LRIG1: variants seen among roughly 807,000 people sequenced by gnomAD.
LRIG1 encodes leucine rich repeats and immunoglobulin like domains 1.
A neutral mutation model predicts 99.2 loss-of-function variants in LRIG1; 48 were observed. The ratio of observed to expected loss-of-function variants is 0.48; its 90% confidence interval spans 0.38 to 0.62. LRIG1 has a LOEUF of 0.62. Ranked by LOEUF, LRIG1 falls within the 20% of genes least tolerant of loss-of-function variation. LRIG1 has a pLI of 0.00. For synonymous variants in LRIG1, 772 were observed against 596.1 expected (o/e 1.29, Z -4.30); for missense variants, 1,646 against 1,434.4 (o/e 1.15, Z -2.38).
intron 5 of LRIG1, 70 bp downstream of exon 5, chr3:66,414,850 G>A (rs1048131937): frequency 2.1e-6 from 3 of 1,419,514 alleles, no homozygotes; most frequent in Non-Finnish European, 2.8e-6. Context: ...TTTGGTACGA[G>A]GTCCTTGGGG....
At chr3:66,391,867 T>C (rs1326773762) in intron 12 of LRIG1, among the ~76,000 whole-genome samples, 1 of 152,262 alleles carries the variant, frequency 6.6e-6, no homozygotes, top group African/African-American at 2.4e-5. Flanking sequence ...TTTAGTATAC[T>C]CACCAATATG....
chr3:66,401,131 G>T (rs1398977268), intron 9 of LRIG1, among the ~76,000 whole-genome samples: 1 of 152,226 alleles, frequency 6.6e-6, no homozygotes. Context: ...CTTTCTTTCA[G>T]GCCGTCTGCA....
rs906945727 is a variant in LRIG1, at chr3:66,462,426, G to C, written c.290+12C>G. 1.2e-6 allele frequency: 2 copies of C among 1,606,018 alleles called. No individual in the cohort carries two copies. Among genetic ancestry groups the C allele is most frequent in the African/African-American group, 1.3e-5 (1 of 74,770 alleles). On this transcript the variant is annotated intron_variant, in intron 2 of 18. Coordinates refer to ENST00000273261, the MANE Select transcript of LRIG1 (RefSeq NM_015541.3). ...ATCCTTCCATCCACCAGAGGTTTAG[G>C]GGGAGACTCACACTTCCTGTAGGTT...
intron 1 of LRIG1, among the ~76,000 whole-genome samples, chr3:66,487,390 C>T (rs888060452): frequency 6.6e-6 from 1 of 152,134 alleles, no homozygotes; most frequent in Non-Finnish European, 1.5e-5. Flanking sequence ...ACAGGCCAAT[C>T]AGGAAAAATT....
At chr3:66,387,460 C>T (rs1701432166) in intron 12 of LRIG1, 1 of 152,026 alleles carries the variant, frequency 6.6e-6, no homozygotes, top group Admixed American at 6.6e-5. Flanking sequence ...CTCTGTCCAA[C>T]CATTAGCTAA....
chr3:66,411,058 T>C (rs528293848), intron 6 of LRIG1, among the ~76,000 whole-genome samples: 1 of 152,294 alleles, frequency 6.6e-6, no homozygotes, highest in African/African-American at 2.4e-5. Flanking sequence ...ACTGACTCCA[T>C]GGGGTCACTA....
intron 1 of LRIG1, among the ~76,000 whole-genome samples, chr3:66,496,713 G>A (rs1285295624): frequency 1.3e-5 from 2 of 151,918 alleles, no homozygotes; most frequent in Non-Finnish European, 2.9e-5. Context: ...AATATTTCAG[G>A]ACCATCCATA....
intron 13 of LRIG1, among the ~76,000 whole-genome samples, chr3:66,384,537 A>G (rs1316203037): frequency 1.3e-5 from 2 of 151,960 alleles, no homozygotes; most frequent in African/African-American, 2.4e-5. Context: ...TTTACTCTAC[A>G]TGGCAGTGCC....
chr3:66,418,295 G>A (rs964309028), intron 3 of LRIG1, among the ~76,000 whole-genome samples: 39 of 152,060 alleles, frequency 2.6e-4, no homozygotes, highest in African/African-American at 8.5e-4. Flanking sequence ...AGGTTTCACC[G>A]TGTTGGCCAG....
chr3:66,455,114 TTTTTA>T (rs2106818308), intron 2 of LRIG1, among the ~76,000 whole-genome samples: 1 of 152,242 alleles, frequency 6.6e-6, no homozygotes, highest in Admixed American at 6.5e-5. Flanking sequence ...TCAGCTAATT[TTTTTA>T]TTTTTAGTAG....
At chr3:66,408,071 C>T (rs182945931) in intron 7 of LRIG1, among the ~76,000 whole-genome samples, 11 of 152,338 alleles carry the variant, frequency 7.2e-5, no homozygotes, top group Admixed American at 6.5e-4. Context: ...AGAGCATGAT[C>T]CCCTACTGCA....
intron 3 of LRIG1, among the ~76,000 whole-genome samples, chr3:66,418,077 GTTTTT>G (rs141622151): frequency 6.7e-6 from 1 of 148,162 alleles, no homozygotes; most frequent in African/African-American, 2.5e-5. Flanking sequence ...TGTAACTTGT[GTTTTT>G]TTTTTGTTTT....
chr3:66,388,510 A>C (rs1223740115), intron 12 of LRIG1, among the ~76,000 whole-genome samples: 1 of 152,220 alleles, frequency 6.6e-6, no homozygotes, highest in Admixed American at 6.5e-5. Flanking sequence ...CAAGAATCTT[A>C]ATGAACTCCA....
intron 6 of LRIG1, among the ~76,000 whole-genome samples, chr3:66,412,022 G>C (rs1319256398): frequency 6.6e-6 from 1 of 152,144 alleles, no homozygotes; most frequent in African/African-American, 2.4e-5. Flanking sequence ...AATTACTTTT[G>C]ATTAAAAATA....
chr3:66,485,815 CA>C (rs1700959358), intron 1 of LRIG1, among the ~76,000 whole-genome samples: 1 of 152,124 alleles, frequency 6.6e-6, no homozygotes. Flanking sequence ...CGCCTACCAA[CA>C]AAGAAACACG....
chr3:66,412,688 G>A (rs1575671350), intron 6 of LRIG1, among the ~76,000 whole-genome samples, 183 bp downstream of exon 6: 2 of 152,114 alleles, frequency 1.3e-5, no homozygotes, highest in South Asian at 2.1e-4. Context: ...GTGTGGGCGC[G>A]CACGTGCACA....
rs369686807 is a variant in LRIG1 at position 66,382,468 on chromosome 3, C to G, written c.2492-70G>C. ...AGAAATGCAGACACACGTTCACTGT[C>G]AAGCTCAGAAAGGGGATCCTCCCAG... On this transcript the variant is annotated intron_variant, in intron 15 of 18. Transcript: ENST00000273261. The G allele has an allele frequency of 6.2e-5, 98 of 1,579,422 alleles. 1 individual carries two copies. The African/African-American group carries it at 1.0e-3, about 16-fold the overall frequency.
chr3:66,436,281 T>C (rs932737883), intron 3 of LRIG1, among the ~76,000 whole-genome samples: 2 of 152,084 alleles, frequency 1.3e-5, no homozygotes, highest in Non-Finnish European at 2.9e-5. Flanking sequence ...CAAAGCATCA[T>C]CCTTCGTATA....
At chr3:66,413,265 G>A (rs1320558067) in intron 5 of LRIG1, among the ~76,000 whole-genome samples, 1 of 152,206 alleles carries the variant, frequency 6.6e-6, no homozygotes, top group Non-Finnish European at 1.5e-5. Flanking sequence ...CCAGCTCCGA[G>A]GCTGGCCCAC....
Sources: allele counts gnomAD v4.1 joint callset (sites outside exome capture counted in the v4.1 genomes callset), GRCh38; gene constraint gnomAD v4.1.1; transcripts MANE v1.5; gene names NCBI Gene and HGNC (gene_info 2026-07-23, HGNC 2026-07-21).